Variants in GLP2R observed in about 807,000 individuals in gnomAD.
GLP2R encodes glucagon like peptide 2 receptor, also known as glucagon-like peptide 2 receptor.
In GLP2R, 59 loss-of-function variants were observed where a neutral mutation model predicts 68.2. The observed-to-expected ratio is 0.87, with a 90% confidence interval of 0.70 to 1.07. The LOEUF (loss-of-function observed/expected upper bound fraction) is 1.07, where lower values mean the gene tolerates loss of function less well. Among genes scored for constraint, GLP2R ranks in the 50% least tolerant of loss-of-function variants. The probability of loss-of-function intolerance (pLI) is 0.00; values close to 1 mark genes in which losing one functional copy is unlikely to be tolerated. For synonymous variants in GLP2R, 270 were observed against 265.4 expected, an observed-to-expected ratio of 1.02 and a Z score of -0.17; for missense variants, 548 against 677.4, an observed-to-expected ratio of 0.81 and a Z score of 2.12.
chr17:9,836,503 C>T (rs745814374), intron 3 of GLP2R, 28 bp downstream of exon 3: 5 of 1,397,452 alleles, frequency 3.6e-6, no homozygotes, highest in Non-Finnish European at 5.1e-6. Context: ...TACCAATTTT[C>T]CCCAACCAAG....
In GLP2R at chr17:9,889,585, C is replaced by T. The variant is rs540048351; in HGVS notation, c.1542C>T (p.Gly514=). The T allele has an allele frequency of 5.6e-6, 9 of 1,614,086 alleles. No individual in the cohort carries two copies. Among genetic ancestry groups the T allele is most frequent in the Admixed American group, 3.3e-5 (2 of 60,024 alleles). Reference sequence around the variant, plus strand: ...CCATGCGAGGTCTTGGGGAGCTGGGCGCCCAGCCCCAACAGGACCATGCAC... The same window carrying T: ...CCATGCGAGGTCTTGGGGAGCTGGGTGCCCAGCCCCAACAGGACCATGCAC... ...HLAMRGLGEL[G]AQPQQDHARW... The change falls in exon 13 of 13, where the codon GGC becomes GGT. Residue 514 remains glycine (G), a synonymous_variant. Coordinates refer to ENST00000262441, the MANE Select transcript of GLP2R (RefSeq NM_004246.3).
At chr17:9,863,021 G>C (rs1025973465) in intron 9 of GLP2R, among the ~76,000 whole-genome samples, 3 of 152,180 alleles carry the variant, frequency 2.0e-5, no homozygotes, top group African/African-American at 7.2e-5. Flanking sequence ...TCCTAGAAGT[G>C]GTGGGAAAAC....
In GLP2R at chr17:9,889,577, G is replaced by T; in HGVS notation, c.1534G>T (p.Glu512Ter). The change falls in exon 13 of 13, where the codon GAG becomes TAG. Residue 512 changes from glutamate to a stop codon, truncating the protein, a stop_gained. Coordinates refer to ENST00000262441, the MANE Select transcript of GLP2R (RefSeq NM_004246.3). LOFTEE classifies it high-confidence loss of function. The part of the protein sequence containing the change: ...LLHLAMRGLG[E>*]LGAQPQQDHA... ...ACATCTAGCCATGCGAGGTCTTGGGGAGCTGGGCGCCCAGCCCCAACAGGA... is the reference window on the plus strand; with the variant it reads ...ACATCTAGCCATGCGAGGTCTTGGGTAGCTGGGCGCCCAGCCCCAACAGGA... 1 of 1,614,128 alleles carries T rather than the reference G, an allele frequency of 6.2e-7. No individual in the cohort carries two copies. Among genetic ancestry groups the T allele is most frequent in the East Asian group, 2.2e-5 (1 of 44,872 alleles).
At chr17:9,864,519 G>GT (rs938131956) in intron 9 of GLP2R, among the ~76,000 whole-genome samples, 6 of 151,082 alleles carry the variant, frequency 4.0e-5, no homozygotes, top group African/African-American at 1.5e-4. Flanking sequence ...TGTTTGTTTT[G>GT]TTTTTTGTTT....
At chr17:9,868,209 G>A (rs898953319) in intron 9 of GLP2R, among the ~76,000 whole-genome samples, 1 of 152,188 alleles carries the variant, frequency 6.6e-6, no homozygotes, top group African/African-American at 2.4e-5. Flanking sequence ...CTTTCAGCAG[G>A]GCTCTTGGGG....
In GLP2R at chr17:9,836,481, A is replaced by C; in HGVS notation, c.382+6A>C. The C allele has an allele frequency of 1.3e-6, 2 of 1,550,334 alleles. No individual in the cohort carries two copies. The highest frequency in any genetic ancestry group is 1.8e-6 in the Non-Finnish European group (2 of 1,121,982). Reference sequence around the variant, plus strand: ...CTTACCTTGGTGGAGTGAAGGTAATAAGTCTTATTTTTACCAATTTTCCCC... The same window carrying C: ...CTTACCTTGGTGGAGTGAAGGTAATCAGTCTTATTTTTACCAATTTTCCCC... On this transcript the variant is annotated splice_donor_region_variant and intron_variant, in intron 3 of 12. Coordinates refer to ENST00000262441, the MANE Select transcript of GLP2R (RefSeq NM_004246.3).
chr17:9,833,290 AG>A (rs1328824400), intron 1 of GLP2R, among the ~76,000 whole-genome samples: 13 of 151,926 alleles, frequency 8.6e-5, no homozygotes, highest in African/African-American at 2.9e-4. Flanking sequence ...AAAGAAAGAA[AG>A]AAAAGATCCT....
At chr17:9,880,585 T>A in intron 11 of GLP2R, 69 bp downstream of exon 11, 2 of 1,122,440 alleles carry the variant, frequency 1.8e-6, no homozygotes, top group South Asian at 3.2e-5. Flanking sequence ...CGAAACAGGC[T>A]CAGAATTAAG....
chr17:9,859,819 CAAAAAA>C (rs10567375), intron 6 of GLP2R, 117 bp from the exon 7 acceptor site: 490 of 143,722 alleles, frequency 3.4e-3, no homozygotes, highest in South Asian at 0.014. Context: ...GATTCTGTCT[CAAAAAA>C]AAAAAAAAAA....
In GLP2R at chr17:9,868,845, C is replaced by G. The variant is rs1006446254; in HGVS notation, c.1057-1902C>G. ...TGAAATTAATTTGCTGAAATAAATGCCTTTCTGCTGTTAAGCTTGCTTTGT... is the reference window on the plus strand; with the variant it reads ...TGAAATTAATTTGCTGAAATAAATGGCTTTCTGCTGTTAAGCTTGCTTTGT... On this transcript the variant is annotated intron_variant, in intron 9 of 12. Transcript: ENST00000262441. 3.3e-5 allele frequency among the ~76,000 whole-genome samples: 5 copies of G among 152,284 alleles called. 1 individual carries two copies. The highest frequency in any genetic ancestry group is 1.2e-4 in the African/African-American group (5 of 41,558).
intron 12 of GLP2R, among the ~76,000 whole-genome samples, chr17:9,888,873 C>G (rs1366061213): frequency 6.6e-6 from 1 of 152,202 alleles, no homozygotes; most frequent in Non-Finnish European, 1.5e-5. Context: ...CAGGTGTTTT[C>G]TCCTGTCTTT....
chr17:9,869,710 C>T (rs1263855800), intron 9 of GLP2R, among the ~76,000 whole-genome samples: 1 of 152,142 alleles, frequency 6.6e-6, no homozygotes, highest in Non-Finnish European at 1.5e-5. Flanking sequence ...TGGCTGACTT[C>T]CCCTGGAGTG....
intron 4 of GLP2R, among the ~76,000 whole-genome samples, chr17:9,850,953 A>G (rs750040695): frequency 5.3e-5 from 8 of 151,922 alleles, no homozygotes; most frequent in African/African-American, 7.3e-5. Flanking sequence ...TGGGCCTCCC[A>G]AAGTGCTGGG....
chr17:9,858,298 C>T (rs148454444), intron 6 of GLP2R, among the ~76,000 whole-genome samples: 87 of 152,344 alleles, frequency 5.7e-4, no homozygotes, highest in Non-Finnish European at 9.7e-4. Context: ...GCTAATGACG[C>T]AGTAACCTAT....
chr17:9,829,408 A>T (rs1030039445), intron 1 of GLP2R, among the ~76,000 whole-genome samples: 2 of 152,074 alleles, frequency 1.3e-5, no homozygotes, highest in Non-Finnish European at 2.9e-5. Flanking sequence ...CAGAAATTCA[A>T]ATTCAAAGAA....
At chr17:9,833,918 G>T (rs377049573) in intron 2 of GLP2R, 24 bp downstream of exon 2, 11 of 1,450,464 alleles carry the variant, frequency 7.6e-6, no homozygotes, top group Non-Finnish European at 1.1e-5. Flanking sequence ...TTAGTTATCC[G>T]TGGCTGTGTA....
intron 8 of GLP2R, 59 bp downstream of exon 8, chr17:9,861,258 ATAC>A: frequency 9.1e-7 from 1 of 1,093,246 alleles, no homozygotes; most frequent in African/African-American, 1.5e-5. Context: ...GCATGCCTAA[ATAC>A]AAAGAATGAC....
Position 9,889,527 on chromosome 17 carries a change from C to T in GLP2R, c.1484C>T (p.Pro495Leu). 6.2e-7 allele frequency: 1 copy of T among 1,614,214 alleles called. No homozygotes were observed. The highest frequency in any genetic ancestry group is 8.5e-7 in the Non-Finnish European group (1 of 1,180,032). Residue 495 changes from proline (P) to leucine (L), a missense_variant, in exon 13 of 13, where the codon CCC becomes CTC. Pro to Leu is a moderately conservative substitution (Grantham distance 98). Transcript: ENST00000262441. The stretch of plus-strand genomic sequence containing the variant: ...GCTGAGAAGCTTCGGAAGCTGCAGC[C>T]CTCACTTAACAGTGGGCGGCTCCTA... ...DGAEKLRKLQ[P>L]SLNSGRLLHL... is the part of the protein sequence containing the mutation.
intron 10 of GLP2R, among the ~76,000 whole-genome samples, chr17:9,877,710 T>C (rs574539322): frequency 6.6e-6 from 1 of 151,934 alleles, no homozygotes; most frequent in Non-Finnish European, 1.5e-5. Flanking sequence ...ATCCCGTCTC[T>C]ACTAAAAATA....
Sources: allele counts gnomAD v4.1 joint callset (sites outside exome capture counted in the v4.1 genomes callset), GRCh38; gene constraint gnomAD v4.1.1; transcripts MANE v1.5; gene names NCBI Gene and HGNC (gene_info 2026-07-23, HGNC 2026-07-21).